ARHGAP39: variants seen among roughly 807,000 people sequenced by gnomAD.
ARHGAP39 encodes the protein Rho GTPase activating protein 39.
In ARHGAP39, 44 loss-of-function variants were observed where a neutral mutation model predicts 106.9. That is an observed-to-expected ratio of 0.41 (90% CI 0.32 to 0.53). The LOEUF is 0.53. ARHGAP39 is among the 20% of genes least tolerant of loss of function. The pLI is 0.21. For synonymous variants in ARHGAP39, 768 were observed against 693.2 expected, an observed-to-expected ratio of 1.11 and a Z score of -1.69; for missense variants, 1,496 against 1,577.3, an observed-to-expected ratio of 0.95 and a Z score of 0.87.
intron 1 of ARHGAP39, among the ~76,000 whole-genome samples, chr8:144,650,405 G>A (rs1415356207): frequency 5.3e-5 from 8 of 152,116 alleles, no homozygotes; most frequent in Non-Finnish European, 1.0e-4. Flanking sequence ...ATTCAATGAT[G>A]CCAGCATCAT....
intron 3 of ARHGAP39, among the ~76,000 whole-genome samples, chr8:144,558,740 GAAGT>G (rs1818035726): frequency 6.6e-6 from 1 of 152,152 alleles, no homozygotes; most frequent in South Asian, 2.1e-4. Context: ...AAATAGCTGA[GAAGT>G]AATACAGAAA....
At chr8:144,578,351 C>T (rs1818847644) in intron 3 of ARHGAP39, among the ~76,000 whole-genome samples, 2 of 152,146 alleles carry the variant, frequency 1.3e-5, no homozygotes, top group Non-Finnish European at 2.9e-5. Context: ...GCCTCAGCCA[C>T]CCGAGTAGCT....
rs1199537514 is a variant in ARHGAP39, at chr8:144,530,288, G to A, written c.*134C>T. Reference sequence around the variant, plus strand: ...GGCAGAAGACGTGGGGAGCGCCGGGGCCAGGGGCCTGGGGGAGTGGAGGGG... The same window carrying A: ...GGCAGAAGACGTGGGGAGCGCCGGGACCAGGGGCCTGGGGGAGTGGAGGGG... On this transcript the variant is annotated 3_prime_UTR_variant, in exon 12 of 12. Transcript: ENST00000377307. 3 of 992,966 alleles carry A rather than the reference G, an allele frequency of 3.0e-6. No homozygotes were observed. The highest frequency in any genetic ancestry group is 4.4e-6 in the Non-Finnish European group (3 of 688,484). 61.5% of individuals were successfully genotyped at this position (992,966 alleles called of 1,614,324 possible).
chr8:144,619,204 T>C (rs1820718012), intron 1 of ARHGAP39, among the ~76,000 whole-genome samples: 1 of 152,240 alleles, frequency 6.6e-6, no homozygotes, highest in Admixed American at 6.5e-5. Flanking sequence ...GAGGATGCTC[T>C]GTGCCAGCTC....
At chr8:144,699,045 T>G in the ARHGAP39 span, 1 of 365,748 alleles carries the variant, frequency 2.7e-6, no homozygotes, top group South Asian at 2.0e-5. Flanking sequence ...GTTCCAGGGC[T>G]TCTCACTGCA....
chr8:144,600,569 C>A (rs1180320647), intron 2 of ARHGAP39, among the ~76,000 whole-genome samples: 2 of 134,586 alleles, frequency 1.5e-5, no homozygotes, highest in East Asian at 4.7e-4. Context: ...TGCGTGGAGG[C>A]GTGCATGTGC....
chr8:144,574,213 A>T (rs1818689351), intron 3 of ARHGAP39, among the ~76,000 whole-genome samples: 1 of 149,410 alleles, frequency 6.7e-6, no homozygotes, highest in African/African-American at 2.5e-5. Context: ...GGGGAAGAAG[A>T]AATCATAATT....
chr8:144,593,297 C>T (rs13275065), intron 2 of ARHGAP39, among the ~76,000 whole-genome samples: 56,192 of 152,034 alleles, frequency 0.37, 12,203 homozygotes, highest in South Asian at 0.47. Flanking sequence ...GTGCCCTGCC[C>T]TGGAGACGTA....
chr8:144,689,539 C>T (rs1392053899), upstream of ARHGAP39, among the ~76,000 whole-genome samples: 1 of 144,326 alleles, frequency 6.9e-6, no homozygotes, highest in Admixed American at 7.4e-5. Flanking sequence ...CAGGTTCAAG[C>T]GATTCTCCTG....
intron 1 of ARHGAP39, among the ~76,000 whole-genome samples, chr8:144,630,543 C>A (rs1821034674): frequency 6.6e-6 from 1 of 152,246 alleles, no homozygotes; most frequent in Non-Finnish European, 1.5e-5. Context: ...TGTCCTTTTT[C>A]TAGAACTCCA....
chr8:144,587,709 C>T (rs965214586), intron 2 of ARHGAP39, among the ~76,000 whole-genome samples: 26 of 148,084 alleles, frequency 1.8e-4, no homozygotes, highest in African/African-American at 4.8e-4. Context: ...GGCTGGAGTG[C>T]GGTGGCGCGA....
At chr8:144,680,982 GGAA>G (rs1461791291) in intron 1 of ARHGAP39, among the ~76,000 whole-genome samples, 1 of 152,128 alleles carries the variant, frequency 6.6e-6, no homozygotes, top group Non-Finnish European at 1.5e-5. Flanking sequence ...CGAGTTTTAG[GGAA>G]GACTACCCCT....
At chr8:144,666,416 G>A (rs1437418986) in intron 1 of ARHGAP39, among the ~76,000 whole-genome samples, 2 of 152,094 alleles carry the variant, frequency 1.3e-5, no homozygotes, top group Admixed American at 1.3e-4. Context: ...AGGGGCCAGG[G>A]GTGGAATGAT....
At chr8:144,693,684 AAAT>A in the ARHGAP39 span, among the ~76,000 whole-genome samples, 3 of 152,314 alleles carry the variant, frequency 2.0e-5, no homozygotes, top group Admixed American at 6.5e-5. Flanking sequence ...CCTGGCCGTA[AAAT>A]TCTTTGAGAG....
intron 2 of ARHGAP39, among the ~76,000 whole-genome samples, chr8:144,598,387 C>T (rs1271281804): frequency 2.0e-5 from 3 of 152,170 alleles, no homozygotes; most frequent in African/African-American, 4.8e-5. Flanking sequence ...CATGAGGACA[C>T]ATGAGCCCCA....
chr8:144,635,693 T>G (rs1321552618), intron 1 of ARHGAP39, among the ~76,000 whole-genome samples: 5 of 145,022 alleles, frequency 3.4e-5, no homozygotes, highest in South Asian at 2.2e-4. Context: ...GGGATCTGAG[T>G]CTCCCGCTAG....
At chr8:144,530,640 G>C in intron 11 of ARHGAP39, 24 bp from the exon 12 acceptor site, 1 of 1,542,108 alleles carries the variant, frequency 6.5e-7, no homozygotes, top group Non-Finnish European at 8.8e-7. Flanking sequence ...GAGGGTGGGC[G>C]CGGAGGGGCG....
At position 144,547,025 on chromosome 8, in the gene ARHGAP39, G is replaced by A. The variant is rs972057677; in HGVS notation, c.1959+102C>T. Reference sequence around the variant, plus strand: ...GGCTTCAGAACTCTGCGTGCTGCGTGCACGCCCTGGACGCCAGGTCTCCTG... The same window carrying A: ...GGCTTCAGAACTCTGCGTGCTGCGTACACGCCCTGGACGCCAGGTCTCCTG... On this transcript the variant is annotated intron_variant, in intron 5 of 11. Transcript: ENST00000377307. This position sits in a 1 kb window ranked among gnomAD's most constrained non-coding sequence, Gnocchi z 5.2. The A allele has an allele frequency of 3.7e-6, 5 of 1,369,520 alleles. No homozygotes were observed. The African/African-American group carries it at 5.9e-5, about 16-fold the overall frequency. The allele number at this position is 1,369,520 out of a possible 1,614,324, so 84.8% of individuals were successfully genotyped here.
intron 4 of ARHGAP39, among the ~76,000 whole-genome samples, chr8:144,551,120 G>C (rs757203586): frequency 6.6e-6 from 1 of 152,142 alleles, no homozygotes; most frequent in Non-Finnish European, 1.5e-5. Flanking sequence ...GCCAGGCCTA[G>C]GGAAGGACTG....
Sources: allele counts gnomAD v4.1 joint callset (sites outside exome capture counted in the v4.1 genomes callset), GRCh38; gene constraint gnomAD v4.1.1; non-coding constraint Gnocchi (gnomAD v3.1); transcripts MANE v1.5; gene names NCBI Gene and HGNC (gene_info 2026-07-23, HGNC 2026-07-21).